The following ZNF469 variants were observed in gnomAD, a reference collection of about 807,000 sequenced individuals.
The protein encoded by ZNF469 is zinc finger protein 469.
In ZNF469, 1 loss-of-function variant was observed where a neutral mutation model predicts 1.0. That is an observed-to-expected ratio of 1.00 (90% CI 0.35 to 4.73). The LOEUF (loss-of-function observed/expected upper bound fraction) is 4.73, where lower values mean the gene tolerates loss of function less well. Among genes scored for constraint, ZNF469 ranks in the 30% most tolerant of loss-of-function variants. The pLI, the probability that ZNF469 is intolerant of heterozygous loss-of-function variation, is 0.16. For missense variants in ZNF469, 6,100 were observed against 5,356.3 expected, an observed-to-expected ratio of 1.14 and a Z score of -4.33; for synonymous variants, 2,703 against 2,363.4, an observed-to-expected ratio of 1.14 and a Z score of -4.17.
chr16:88,290,706 A>G, the ZNF469 span, among the ~76,000 whole-genome samples: 1 of 152,204 alleles, frequency 6.6e-6, no homozygotes, highest in Non-Finnish European at 1.5e-5. Context: ...GCTCTGCCCA[A>G]TCTGGTTCTG....
chr16:88,235,576 C>T, the ZNF469 span, among the ~76,000 whole-genome samples: 1 of 152,228 alleles, frequency 6.6e-6, no homozygotes, highest in Admixed American at 6.5e-5. Flanking sequence ...GGACGGGAAC[C>T]AGAACCCAAA....
Position 88,433,898 on chromosome 16 carries a change from A to C in ZNF469, c.6428A>C (p.Gln2143Pro). Residue 2143 changes from glutamine (Q) to proline (P), a missense_variant, in exon 3 of 3, where the codon CAA becomes CCA. Coordinates refer to ENST00000565624, the MANE Select transcript of ZNF469 (RefSeq NM_001367624.2). ...EDPLTSPSRA[Q>P]GGLGGQLPAS... is the part of the protein sequence containing the mutation. Reference sequence around the variant, plus strand: ...CCACTTACCTCGCCTTCCAGGGCCCAAGGTGGGCTGGGGGGGCAGCTGCCA... The same window carrying C: ...CCACTTACCTCGCCTTCCAGGGCCCCAGGTGGGCTGGGGGGGCAGCTGCCA... 3.2e-6 allele frequency: 5 copies of C among 1,549,016 alleles called. No homozygotes were observed. The highest frequency in any genetic ancestry group is 4.4e-6 in the Non-Finnish European group (5 of 1,146,062).
chr16:88,369,302 A>G, the ZNF469 span, among the ~76,000 whole-genome samples: 1 of 152,200 alleles, frequency 6.6e-6, no homozygotes, highest in African/African-American at 2.4e-5. Context: ...TTGGGACGCC[A>G]CATGCAAATA....
chr16:88,144,682 G>T, the ZNF469 span, among the ~76,000 whole-genome samples: 1 of 152,186 alleles, frequency 6.6e-6, no homozygotes, highest in Non-Finnish European at 1.5e-5. Flanking sequence ...GCGAAATCCT[G>T]AACTCTAAGG....
the ZNF469 span, among the ~76,000 whole-genome samples, chr16:88,282,571 G>A: frequency 6.6e-6 from 1 of 152,202 alleles, no homozygotes; most frequent in African/African-American, 2.4e-5. Context: ...GCACAGAGGG[G>A]AGTGTGTATA....
chr16:88,102,198 G>A, the ZNF469 span, among the ~76,000 whole-genome samples: 1 of 152,154 alleles, frequency 6.6e-6, no homozygotes, highest in Non-Finnish European at 1.5e-5. Context: ...AGAGGGCGTC[G>A]GTGGCTTTTT....
At chr16:88,175,300 A>C in the ZNF469 span, among the ~76,000 whole-genome samples, 1 of 152,228 alleles carries the variant, frequency 6.6e-6, no homozygotes, top group African/African-American at 2.4e-5. Flanking sequence ...CTGATAGAAT[A>C]AGCAGACAGA....
At chr16:88,214,555 G>A in the ZNF469 span, among the ~76,000 whole-genome samples, 2 of 151,970 alleles carry the variant, frequency 1.3e-5, no homozygotes, top group Non-Finnish European at 2.9e-5. Context: ...TGCAGAACGT[G>A]CAGGTTTGTT....
the ZNF469 span, among the ~76,000 whole-genome samples, chr16:88,205,913 A>G: frequency 6.6e-6 from 1 of 152,026 alleles, no homozygotes; most frequent in Non-Finnish European, 1.5e-5. The surrounding 1 kb of genome is among the most constrained non-coding windows in gnomAD (Gnocchi z 4.2). Flanking sequence ...AAATGTTCCG[A>G]GAGGGTGTGG....
the ZNF469 span, among the ~76,000 whole-genome samples, chr16:88,233,992 T>G: frequency 2.0e-5 from 3 of 152,216 alleles, no homozygotes; most frequent in Non-Finnish European, 4.4e-5. Flanking sequence ...ACTTTTGCTG[T>G]TTAAGTGCTT....
chr16:88,305,875 A>G, the ZNF469 span, among the ~76,000 whole-genome samples: 1 of 152,178 alleles, frequency 6.6e-6, no homozygotes, highest in Non-Finnish European at 1.5e-5. Flanking sequence ...ATGTTCACAT[A>G]CACACATACA....
chr16:88,152,460 G>T, the ZNF469 span, among the ~76,000 whole-genome samples: 2 of 152,124 alleles, frequency 1.3e-5, no homozygotes, highest in African/African-American at 4.8e-5. The surrounding 1 kb of genome is among the most constrained non-coding windows in gnomAD (Gnocchi z 4.2). Context: ...GTGGATTTTG[G>T]CTGCCCCCGC....
In ZNF469 at chr16:88,435,831, A is replaced by G; in HGVS notation, c.8361A>G (p.Glu2787=). 6.4e-7 allele frequency: 1 copy of G among 1,550,460 alleles called. No individual in the cohort carries two copies. Among genetic ancestry groups the G allele is most frequent in the Non-Finnish European group, 8.7e-7 (1 of 1,146,922 alleles). The change falls in exon 3 of 3, where the codon GAA becomes GAG. Residue 2787 remains glutamate, a synonymous_variant. Transcript: ENST00000565624. ...DSSRAHSRSE[E]GVWEENTPPL... ...GCAGGGCCCACAGCCGATCAGAGGA[A>G]GGTGTCTGGGAGGAGAACACGCCCC...
At chr16:88,224,701 G>C in the ZNF469 span, among the ~76,000 whole-genome samples, 44,544 of 151,928 alleles carry the variant, frequency 0.29, 7,101 homozygotes, top group Non-Finnish European at 0.34. Context: ...GTGTGTCTCT[G>C]TGTGTGTGTG....
chr16:88,259,000 G>C, the ZNF469 span, among the ~76,000 whole-genome samples: 1 of 152,258 alleles, frequency 6.6e-6, no homozygotes, highest in Admixed American at 6.5e-5. Flanking sequence ...ACTCGTGGGA[G>C]TATTTTGTTC....
At chr16:88,285,188 G>A in the ZNF469 span, among the ~76,000 whole-genome samples, 3,613 of 152,356 alleles carry the variant, frequency 0.024, 134 homozygotes, top group African/African-American at 0.08. Flanking sequence ...CCAAAGGCCC[G>A]TGTGCCCGGA....
chr16:88,268,335 A>G, the ZNF469 span, among the ~76,000 whole-genome samples: 3 of 152,174 alleles, frequency 2.0e-5, no homozygotes, highest in South Asian at 6.2e-4. Flanking sequence ...TTGACTGACT[A>G]CAGACAAATG....
chr16:88,277,144 G>C, the ZNF469 span, among the ~76,000 whole-genome samples: 2 of 151,700 alleles, frequency 1.3e-5, no homozygotes, highest in Non-Finnish European at 2.9e-5. Flanking sequence ...GTACCGTGTA[G>C]ATATCAGTGC....
At chr16:88,421,548 C>T (rs1013621261) in intron 1 of ZNF469, among the ~76,000 whole-genome samples, 1 of 152,322 alleles carries the variant, frequency 6.6e-6, no homozygotes, top group East Asian at 1.9e-4. Context: ...CAGCTGGCAG[C>T]TGGCCCTCGA....
Sources: gnomAD v4.1 joint callset for allele counts (sites outside exome capture counted in the v4.1 genomes callset) on GRCh38, gnomAD v4.1.1 for gene constraint, Gnocchi (gnomAD v3.1) non-coding constraint, MANE v1.5 for transcripts, NCBI Gene and HGNC (gene_info 2026-07-23, HGNC 2026-07-21) for gene names.